The following ZC3H7B variants were observed in gnomAD, a reference collection of about 807,000 sequenced individuals.
The protein encoded by ZC3H7B is zinc finger CCCH domain-containing protein 7B.
Under a neutral mutation model 116.0 loss-of-function variants are expected in ZC3H7B, and 35 were observed. The ratio of observed to expected loss-of-function variants is 0.30; its 90% CI spans 0.23 to 0.40. The LOEUF (loss-of-function observed/expected upper bound fraction) is 0.40, where lower values mean the gene tolerates loss of function less well. ZC3H7B is among the 10% of genes least tolerant of loss of function. The probability of loss-of-function intolerance (pLI) is 1.00; values close to 1 mark genes in which losing one functional copy is unlikely to be tolerated. For missense variants in ZC3H7B, 1,011 were observed against 1,321.5 expected, an observed-to-expected ratio of 0.77 and a Z score of 3.64; for synonymous variants, 502 against 545.6, an observed-to-expected ratio of 0.92 and a Z score of 1.11.
At position 41,341,257 on chromosome 22, in the gene ZC3H7B, C is replaced by T. The variant is rs1390351593; in HGVS notation, c.1197+111C>T. On this transcript the variant is annotated intron_variant, in intron 11 of 22. Transcript: ENST00000352645. ...GGGTAAGGCACTGCATTCCCCACGGCGGGGCACTCCCAGAGTGGATGGATC... is the reference window on the plus strand; with the variant it reads ...GGGTAAGGCACTGCATTCCCCACGGTGGGGCACTCCCAGAGTGGATGGATC... 21 of 1,290,784 alleles carry T rather than the reference C, an allele frequency of 1.6e-5. No individual in the cohort carries two copies. The Admixed American group carries it at 1.8e-4, about 11-fold the overall frequency. The allele number at this position is 1,290,784 out of a possible 1,614,324, so 80.0% of individuals were successfully genotyped here.
In ZC3H7B at chr22:41,311,985, C is replaced by G. The variant is rs146942580; in HGVS notation, c.-6-8670C>G. On this transcript the variant is annotated intron_variant, in intron 1 of 22. Transcript: ENST00000352645. ...AATTAAATTAGTTAATTAAATTAATCCTTTACTGGTAGACATTAAGGTTGC... is the reference window on the plus strand; with the variant it reads ...AATTAAATTAGTTAATTAAATTAATGCTTTACTGGTAGACATTAAGGTTGC... Among the ~76,000 whole-genome samples, 391 of 151,916 alleles carry G rather than the reference C, an allele frequency of 2.6e-3. 1 individual carries two copies. The highest frequency in any genetic ancestry group is 9.1e-3 in the African/African-American group (377 of 41,400).
chr22:41,342,412 T>C, intron 11 of ZC3H7B, 117 bp from the exon 12 acceptor site: 10 of 883,738 alleles, frequency 1.1e-5, no homozygotes, highest in East Asian at 5.1e-5. Context: ...GCTGTGGTTT[T>C]GCTCTTGGGT....
chr22:41,345,928 C>T (rs1481508578), intron 13 of ZC3H7B, 75 bp from the exon 14 acceptor site: 21 of 1,496,908 alleles, frequency 1.4e-5, no homozygotes, highest in Non-Finnish European at 1.9e-5. Context: ...CCCCACAGGC[C>T]GCAGCGGGGT....
intron 22 of ZC3H7B, 48 bp downstream of exon 22, chr22:41,356,856 A>G (rs2036726670): frequency 6.2e-7 from 1 of 1,608,452 alleles, no homozygotes; most frequent in African/African-American, 1.3e-5. Context: ...TGGCCCGAGG[A>G]GATGGAGTCC....
intron 1 of ZC3H7B, among the ~76,000 whole-genome samples, chr22:41,310,458 T>C (rs1215037335): frequency 1.3e-5 from 2 of 152,192 alleles, no homozygotes; most frequent in East Asian, 3.9e-4. Flanking sequence ...GTGGATTGCA[T>C]GGCCTAGCCT....
In ZC3H7B at chr22:41,342,462, C is replaced by T. The variant is rs2036534379; in HGVS notation, c.1198-67C>T. The T allele has an allele frequency of 4.6e-6, 7 of 1,506,994 alleles. No individual in the cohort carries two copies. In the Admixed American group the frequency reaches 8.4e-5, roughly 18 times the overall value. The allele number at this position is 1,506,994 out of a possible 1,614,324, so 93.4% of individuals were successfully genotyped here. ...ATAGAGCACTCCCCACTTCTGGTGC[C>T]CTGGCTGGCCCCAGTGGCCTCAGCC... is the stretch of plus-strand genomic sequence containing the variant. On this transcript the variant is annotated intron_variant, in intron 11 of 22. Transcript: ENST00000352645.
At chr22:41,345,780 G>A (rs974395014) in intron 13 of ZC3H7B, among the ~76,000 whole-genome samples, 8 of 151,860 alleles carry the variant, frequency 5.3e-5, no homozygotes, top group African/African-American at 1.7e-4. Flanking sequence ...CCTCACCTGC[G>A]TTGGGGTGCA....
At chr22:41,342,505 A>G (rs760263417) in intron 11 of ZC3H7B, 24 bp from the exon 12 acceptor site, 13 of 1,610,502 alleles carry the variant, frequency 8.1e-6, no homozygotes, top group Admixed American at 6.7e-5. Context: ...AGTGCCCACA[A>G]TGGCCTCCTT....
chr22:41,316,968 G>C (rs192286271), intron 1 of ZC3H7B, among the ~76,000 whole-genome samples: 1 of 152,142 alleles, frequency 6.6e-6, no homozygotes, highest in Non-Finnish European at 1.5e-5. Context: ...TCAGCCTCCC[G>C]AGTAGCTGGG....
rs1320209907 is a variant in ZC3H7B at position 41,325,740 on chromosome 22, T to C, written c.107T>C (p.Val36Ala). ...EEYEAFLLKL[V>A]QNLFAEGNDL... ...CAACAGGCCTTTCTGCTCAAGCTGG[T>C]GCAGAATCTGTTTGCTGAGGGCAAT... The change falls in exon 4 of 23, where the codon GTG becomes GCG. Residue 36 changes from valine (V) to alanine (A), a missense_variant. Val to Ala is a moderately conservative substitution (Grantham distance 64). Coordinates refer to ENST00000352645, the MANE Select transcript of ZC3H7B (RefSeq NM_017590.6). 6.2e-7 allele frequency: 1 copy of C among 1,613,536 alleles called. No homozygotes were observed. The highest frequency in any genetic ancestry group is 8.5e-7 in the Non-Finnish European group (1 of 1,179,864).
rs5758308 is a variant in ZC3H7B at position 41,355,433 on chromosome 22, G to A, written c.2035-36G>A. ...CTCCAGGGCCTCAGGCCTGGTGCCT[G>A]CAGCTTCACCAACCCCCCTCCCCAT... On this transcript the variant is annotated intron_variant, in intron 17 of 22. Coordinates refer to ENST00000352645, the MANE Select transcript of ZC3H7B (RefSeq NM_017590.6). 0.028 allele frequency: 44,380 copies of A among 1,611,146 alleles called. 6,799 individuals carry two copies. In the East Asian group the frequency reaches 0.38, roughly 14 times the overall value.
rs1265464602 is a variant in ZC3H7B, at chr22:41,324,739, T to C, written c.54-825T>C. Among the ~76,000 whole-genome samples the C allele has an allele frequency of 3.9e-5, 6 of 152,252 alleles. 1 individual carries two copies. In the South Asian group the frequency reaches 1.0e-3, roughly 26 times the overall value. ...CTGGCATTGGGTGGGGCGTGTGTTA[T>C]GTGGGATTGGGCAGGGGAGGGGCCT... On this transcript the variant is annotated intron_variant, in intron 2 of 22. Coordinates refer to ENST00000352645, the MANE Select transcript of ZC3H7B (RefSeq NM_017590.6).
In ZC3H7B at chr22:41,331,247, C is replaced by CA. The variant is rs554917965; in HGVS notation, c.526-916dup. On this transcript the variant is annotated intron_variant, in intron 6 of 22. Coordinates refer to ENST00000352645, the MANE Select transcript of ZC3H7B (RefSeq NM_017590.6). ...CTGGGCAACGAGCGAAACTCTGTCT[C>CA]AAAAAAAATAAATAAATAAAAGGCC... 5.6e-4 allele frequency among the ~76,000 whole-genome samples: 75 copies of CA among 133,754 alleles called. No homozygotes were observed. In the Middle Eastern group the frequency reaches 0.016, roughly 29 times the overall value. The allele number at this position is 133,754 out of a possible 152,430, so 87.7% of individuals were successfully genotyped here. A position where few individuals can be genotyped will look rare whatever the true frequency, so the allele number is the denominator to read the frequency against.
At chr22:41,331,385 C>T (rs1253519344) in intron 6 of ZC3H7B, among the ~76,000 whole-genome samples, 1 of 144,506 alleles carries the variant, frequency 6.9e-6, no homozygotes, top group East Asian at 2.1e-4. Flanking sequence ...GAAAGCCTGT[C>T]TCTACTAAAA....
chr22:41,340,859 C>T (rs942482230), intron 10 of ZC3H7B, among the ~76,000 whole-genome samples: 1 of 152,088 alleles, frequency 6.6e-6, no homozygotes, highest in Non-Finnish European at 1.5e-5. Context: ...CTACGGGCAG[C>T]GGGAAGCCCT....
chr22:41,328,204 T>A (rs552332287), intron 5 of ZC3H7B, among the ~76,000 whole-genome samples: 8 of 151,926 alleles, frequency 5.3e-5, no homozygotes, highest in African/African-American at 7.2e-5. Flanking sequence ...CCACAACAGA[T>A]CCACACCTAG....
At chr22:41,328,246 G>A (rs1326435955) in intron 5 of ZC3H7B, among the ~76,000 whole-genome samples, 1 of 152,232 alleles carries the variant, frequency 6.6e-6, no homozygotes, top group African/African-American at 2.4e-5. Flanking sequence ...GAGGAGGACA[G>A]GGCAGGTTTC....
Position 41,357,847 on chromosome 22 carries a change from T to C in ZC3H7B, c.*418T>C. On this transcript the variant is annotated 3_prime_UTR_variant, in exon 23 of 23. Transcript: ENST00000352645. The surrounding 1 kb of genome is among the most constrained non-coding windows in gnomAD (Gnocchi z 5.4). ...CCTGGCCCGTCCTCCTCCCACCCCC[T>C]CCCCCTGGGGGCAAATCAGGACACA... 3 of 221,242 alleles carry C rather than the reference T, an allele frequency of 1.4e-5. No individual in the cohort carries two copies. The highest frequency in any genetic ancestry group is 2.7e-5 in the Non-Finnish European group (3 of 109,810). The allele number at this position is 221,242 out of a possible 1,614,324, so 13.7% of individuals were successfully genotyped here. A position where few individuals can be genotyped will look rare whatever the true frequency, so the allele number is the denominator to read the frequency against.
intron 17 of ZC3H7B, among the ~76,000 whole-genome samples, chr22:41,353,079 CAA>C (rs111438065): frequency 2.2e-5 from 3 of 134,404 alleles, no homozygotes; most frequent in African/African-American, 2.7e-5. Flanking sequence ...GACTCCATCT[CAA>C]AAAAAAAAAA....
Sources: gnomAD v4.1 joint callset for allele counts (sites outside exome capture counted in the v4.1 genomes callset) on GRCh38, gnomAD v4.1.1 for gene constraint, Gnocchi (gnomAD v3.1) non-coding constraint, MANE v1.5 for transcripts, NCBI Gene and HGNC (gene_info 2026-07-23, HGNC 2026-07-21) for gene names.